Variants in TEX11 observed in about 807,000 individuals in gnomAD.
TEX11 encodes testis expressed 11.
TEX11 carries 7 observed loss-of-function variants against 84.4 expected under a neutral mutation model. That is an observed-to-expected ratio of 0.08 (90% CI 0.05 to 0.16). The LOEUF is 0.16. TEX11 is among the 10% of genes least tolerant of loss of function. TEX11 has a pLI of 1.00. For synonymous variants in TEX11, 264 were observed against 222.8 expected, an observed-to-expected ratio of 1.18 and a Z score of -1.64; for missense variants, 551 against 660.5, an observed-to-expected ratio of 0.83 and a Z score of 1.82.
chrX:70,729,827 C>G (rs1192273983), intron 11 of TEX11, among the ~76,000 whole-genome samples: 1 of 110,671 alleles, frequency 9.0e-6, no homozygotes, highest in East Asian at 2.8e-4. Context: ...AGATATGCCT[C>G]GAGAAGAGCA....
At chrX:70,817,198 TACAC>T (rs1192262539) in intron 8 of TEX11, among the ~76,000 whole-genome samples, 4 of 104,662 alleles carry the variant, frequency 3.8e-5, no homozygotes, top group African/African-American at 1.4e-4. Context: ...TATATATACA[TACAC>T]ACACACATAT....
intron 16 of TEX11, among the ~76,000 whole-genome samples, chrX:70,663,805 C>A (rs1459284937): frequency 9.0e-6 from 1 of 111,647 alleles, no homozygotes; most frequent in Non-Finnish European, 1.9e-5. Flanking sequence ...AATCCTAAAT[C>A]GAACCCTTGT....
At chrX:70,797,252 T>C (rs2091160744) in intron 9 of TEX11, among the ~76,000 whole-genome samples, 1 of 112,084 alleles carries the variant, frequency 8.9e-6, no homozygotes, top group Non-Finnish European at 1.9e-5. Flanking sequence ...GTAAATGTGG[T>C]ACATATACAC....
chrX:70,515,993 T>C, the TEX11 span, among the ~76,000 whole-genome samples: 1 of 112,378 alleles, frequency 8.9e-6, no homozygotes, highest in South Asian at 3.7e-4. Context: ...GTAAATTTGT[T>C]TGAGTTCATT....
chrX:70,872,489 T>C (rs1273722863), intron 4 of TEX11, among the ~76,000 whole-genome samples: 1 of 112,552 alleles, frequency 8.9e-6, no homozygotes, highest in African/African-American at 3.2e-5. Flanking sequence ...GTTCACCCTT[T>C]GGTATGTTAC....
intron 17 of TEX11, among the ~76,000 whole-genome samples, chrX:70,643,221 A>T (rs2089688023): frequency 9.5e-6 from 1 of 104,713 alleles, no homozygotes; most frequent in Admixed American, 1.0e-4. Context: ...AAGGGATATG[A>T]AGGACCTCTT....
chrX:70,763,619 A>G (rs2147771450), intron 9 of TEX11, among the ~76,000 whole-genome samples: 1 of 111,391 alleles, frequency 9.0e-6, no homozygotes, highest in African/African-American at 3.3e-5. Flanking sequence ...ATTAAAAAAA[A>G]TAGTTATAGT....
At chrX:70,638,036 A>G (rs948645911) in intron 17 of TEX11, among the ~76,000 whole-genome samples, 2 of 111,615 alleles carry the variant, frequency 1.8e-5, no homozygotes, top group Admixed American at 1.9e-4. Context: ...TAGGAGTTCA[A>G]TAAGGAGAAA....
At position 70,847,298 on chromosome X, in the gene TEX11, T is replaced by C. The variant is rs185281363; in HGVS notation, c.525+5736A>G. Among the ~76,000 whole-genome samples the C allele has an allele frequency of 5.4e-5, 6 of 111,417 alleles. No homozygotes were observed. The East Asian group carries it at 1.7e-3, about 32-fold the overall frequency. ...AAATTACCCAGCCTCAAGTATGCCATTATAGCAATACAAAACGAACTAAGA... is the reference window on the plus strand; with the variant it reads ...AAATTACCCAGCCTCAAGTATGCCACTATAGCAATACAAAACGAACTAAGA... On this transcript the variant is annotated intron_variant, in intron 7 of 29. Transcript: ENST00000374333.
At chrX:70,789,098 G>A (rs964646102) in intron 9 of TEX11, among the ~76,000 whole-genome samples, 1 of 100,151 alleles carries the variant, frequency 1.0e-5, no homozygotes, top group Non-Finnish European at 2.0e-5. Flanking sequence ...TACTCCAGAG[G>A]CTGATGCAGG....
At chrX:70,809,891 A>G (rs2091242096) in intron 8 of TEX11, among the ~76,000 whole-genome samples, 1 of 111,710 alleles carries the variant, frequency 9.0e-6, no homozygotes, top group Non-Finnish European at 1.9e-5. Context: ...TGATTTTGTA[A>G]AAAGACCTGT....
chrX:70,611,344 A>T (rs2089258133), intron 20 of TEX11, among the ~76,000 whole-genome samples: 1 of 111,834 alleles, frequency 8.9e-6, no homozygotes, highest in South Asian at 3.8e-4. Context: ...AGGGAGTCAT[A>T]GCTTACTAGA....
intron 9 of TEX11, among the ~76,000 whole-genome samples, chrX:70,803,646 C>T (rs1385534445): frequency 2.7e-5 from 3 of 111,859 alleles, no homozygotes; most frequent in East Asian, 5.6e-4. Context: ...TGAATGGGTA[C>T]TTCCAAATTA....
intron 9 of TEX11, among the ~76,000 whole-genome samples, chrX:70,783,748 CACTT>C (rs1258263453): frequency 1.8e-5 from 2 of 111,703 alleles, no homozygotes; most frequent in African/African-American, 6.5e-5. Context: ...AATTCCTGGA[CACTT>C]ACATCCTCCC....
intron 10 of TEX11, among the ~76,000 whole-genome samples, chrX:70,741,531 T>C (rs915307074): frequency 7.2e-5 from 8 of 111,395 alleles, no homozygotes; most frequent in Non-Finnish European, 1.5e-4. Flanking sequence ...GACTACTATA[T>C]ATTAAAACTC....
chrX:70,627,991 G>A (rs968555967), intron 18 of TEX11, among the ~76,000 whole-genome samples: 2 of 111,356 alleles, frequency 1.8e-5, no homozygotes, highest in Non-Finnish European at 3.8e-5. Flanking sequence ...CACTTTGGGA[G>A]GCTGAGGTAG....
At chrX:70,719,918 G>A (rs2090541944) in intron 13 of TEX11, among the ~76,000 whole-genome samples, 1 of 111,355 alleles carries the variant, frequency 9.0e-6, no homozygotes, top group Non-Finnish European at 1.9e-5. Context: ...TTACACTGTT[G>A]GTGGGACTGT....
At chrX:70,799,077 T>A (rs1425277954) in intron 9 of TEX11, among the ~76,000 whole-genome samples, 1 of 111,522 alleles carries the variant, frequency 9.0e-6, no homozygotes, top group East Asian at 2.8e-4. Flanking sequence ...CAGAATATTA[T>A]GAGACCTCAA....
At chrX:70,526,283 C>G (rs1249164031), downstream of TEX11, among the ~76,000 whole-genome samples, 1 of 111,882 alleles carries the variant, frequency 8.9e-6, no homozygotes, top group Non-Finnish European at 1.9e-5. Context: ...ATGGAGCTAT[C>G]ATCAGCCAGG....
Sources: allele counts gnomAD v4.1 joint callset (sites outside exome capture counted in the v4.1 genomes callset), GRCh38; gene constraint gnomAD v4.1.1; transcripts MANE v1.5; gene names NCBI Gene and HGNC (gene_info 2026-07-23, HGNC 2026-07-21).